ATRNL1: variants seen among roughly 807,000 people sequenced by gnomAD.
ATRNL1 encodes attractin like 1.
Under a neutral mutation model 182.7 loss-of-function variants are expected in ATRNL1, and 95 were observed. The observed-to-expected ratio is 0.52, with a 90% CI of 0.44 to 0.62. The LOEUF (loss-of-function observed/expected upper bound fraction) is 0.62. Among genes scored for constraint, ATRNL1 ranks in the 20% least tolerant of loss-of-function variants. The pLI, the probability that ATRNL1 is intolerant of heterozygous loss-of-function variation, is 0.00. For synonymous variants in ATRNL1, 576 were observed against 568.3 expected (o/e 1.01, Z -0.19); for missense variants, 1,471 against 1,679.5 (o/e 0.88, Z 2.17).
At chr10:115,861,330 T>G (rs1279600848) in intron 28 of ATRNL1, among the ~76,000 whole-genome samples, 1 of 152,190 alleles carries the variant, frequency 6.6e-6, no homozygotes, top group Non-Finnish European at 1.5e-5. Context: ...TTATTATTTC[T>G]GTAGGGGCTA....
chr10:115,218,213 A>G (rs1832203787), intron 9 of ATRNL1, among the ~76,000 whole-genome samples: 1 of 151,660 alleles, frequency 6.6e-6, no homozygotes, highest in Admixed American at 6.6e-5. Flanking sequence ...AGACAGTGAC[A>G]CCGAAAGTGT....
intron 19 of ATRNL1, among the ~76,000 whole-genome samples, chr10:115,374,526 T>TTTTC (rs1378135954): frequency 6.7e-6 from 1 of 149,814 alleles, no homozygotes; most frequent in Non-Finnish European, 1.5e-5. Flanking sequence ...TTCTTTCTTT[T>TTTTC]TTTCTTTCTT....
chr10:115,941,427 T>A (rs1953727255), intron 28 of ATRNL1, among the ~76,000 whole-genome samples: 1 of 152,240 alleles, frequency 6.6e-6, no homozygotes, highest in Admixed American at 6.5e-5. Context: ...TAGAATTTCC[T>A]GTTTTGGCAA....
chr10:115,533,411 T>C (rs1412697596), intron 25 of ATRNL1, among the ~76,000 whole-genome samples: 2 of 146,506 alleles, frequency 1.4e-5, no homozygotes, highest in African/African-American at 5.5e-5. Flanking sequence ...TAGTATTCTC[T>C]GATGGTAGTT....
chr10:115,279,036 A>G (rs1182497047), intron 13 of ATRNL1, among the ~76,000 whole-genome samples: 1 of 151,814 alleles, frequency 6.6e-6, no homozygotes, highest in Non-Finnish European at 1.5e-5. Context: ...CCCTGTCTCT[A>G]CTAAAAATAC....
At chr10:115,828,151 C>T (rs998652758) in intron 27 of ATRNL1, among the ~76,000 whole-genome samples, 2 of 152,050 alleles carry the variant, frequency 1.3e-5, no homozygotes, top group African/African-American at 2.4e-5. Context: ...AACCTTGTCT[C>T]TACTAAAAAT....
chr10:115,779,797 T>G (rs782371761), intron 27 of ATRNL1, among the ~76,000 whole-genome samples: 13 of 152,106 alleles, frequency 8.5e-5, no homozygotes, highest in Admixed American at 6.5e-4. Context: ...TCCTCTAGGG[T>G]TGGTACAAAA....
At chr10:115,326,813 G>A (rs1854914864) in intron 18 of ATRNL1, among the ~76,000 whole-genome samples, 1 of 152,152 alleles carries the variant, frequency 6.6e-6, no homozygotes, top group African/African-American at 2.4e-5. Context: ...TGACAAACCT[G>A]AGAAAAACAA....
intron 24 of ATRNL1, among the ~76,000 whole-genome samples, chr10:115,500,746 G>T (rs1554979914): frequency 6.6e-6 from 1 of 151,374 alleles, no homozygotes; most frequent in South Asian, 2.1e-4. Flanking sequence ...TCTCCATGTT[G>T]GTCAGGCTGG....
intron 19 of ATRNL1, among the ~76,000 whole-genome samples, chr10:115,367,356 G>T (rs1405008881): frequency 7.2e-6 from 1 of 139,818 alleles, no homozygotes; most frequent in Non-Finnish European, 1.6e-5. Context: ...TCGAGCCTTG[G>T]TTTTCAGCTC....
At chr10:115,780,328 A>G (rs571169660) in intron 27 of ATRNL1, among the ~76,000 whole-genome samples, 3 of 152,318 alleles carry the variant, frequency 2.0e-5, no homozygotes, top group East Asian at 1.9e-4. Context: ...AGCAAGCCTC[A>G]ACACCACAGG....
intron 24 of ATRNL1, among the ~76,000 whole-genome samples, chr10:115,516,931 G>A (rs1850669426): frequency 6.6e-6 from 1 of 151,750 alleles, no homozygotes; most frequent in Non-Finnish European, 1.5e-5. Flanking sequence ...AAACACCACT[G>A]TCAACAATTG....
chr10:115,546,952 T>C (rs1188743877), intron 25 of ATRNL1, among the ~76,000 whole-genome samples: 1 of 151,998 alleles, frequency 6.6e-6, no homozygotes, highest in Non-Finnish European at 1.5e-5. Context: ...ACAGCACTGG[T>C]TGATAAAAGT....
At chr10:115,731,628 A>G (rs1349677871) in intron 27 of ATRNL1, among the ~76,000 whole-genome samples, 1 of 149,476 alleles carries the variant, frequency 6.7e-6, no homozygotes, top group Non-Finnish European at 1.5e-5. Context: ...ACATATACCA[A>G]TAGTTATTAT....
At chr10:115,267,419 T>TA (rs1203293278) in intron 12 of ATRNL1, among the ~76,000 whole-genome samples, 1 of 151,814 alleles carries the variant, frequency 6.6e-6, no homozygotes, top group African/African-American at 2.4e-5. Context: ...AAAAAAATGT[T>TA]ACAGCATTTC....
intron 24 of ATRNL1, among the ~76,000 whole-genome samples, chr10:115,505,526 T>G (rs142593168): frequency 3.7e-4 from 57 of 152,038 alleles, no homozygotes; most frequent in African/African-American, 1.1e-3. Flanking sequence ...AAACAGAAGT[T>G]CCTCCCCAAA....
At chr10:115,444,893 G>A (rs1554966351) in intron 21 of ATRNL1, among the ~76,000 whole-genome samples, 3 of 151,164 alleles carry the variant, frequency 2.0e-5, no homozygotes, top group Non-Finnish European at 4.4e-5. Context: ...CACCACGCCA[G>A]CCTATTTTTG....
At chr10:115,552,368 A>T (rs1451177057) in intron 26 of ATRNL1, among the ~76,000 whole-genome samples, 1 of 151,364 alleles carries the variant, frequency 6.6e-6, no homozygotes, top group East Asian at 1.9e-4. Flanking sequence ...TCTCTTCAAA[A>T]CATTGAAGAA....
rs149167399 is a variant in ATRNL1, at chr10:115,214,041, TAC to T, written c.1349-1630_1349-1629del. Among the ~76,000 whole-genome samples, 1,015 of 147,178 alleles carry T rather than the reference TAC, an allele frequency of 6.9e-3. 6 individuals carry two copies. The highest frequency in any genetic ancestry group is 0.027 in the South Asian group (125 of 4,562). ...ACATAGTATTTTTAGTACAAATATGTACACACACACACACACACACACACACA... is the reference window on the plus strand; with the variant it reads ...ACATAGTATTTTTAGTACAAATATGTACACACACACACACACACACACACA... On this transcript the variant is annotated intron_variant, in intron 8 of 28. Transcript: ENST00000355044.
Sources: allele counts gnomAD v4.1 joint callset (sites outside exome capture counted in the v4.1 genomes callset), GRCh38; gene constraint gnomAD v4.1.1; transcripts MANE v1.5; gene names NCBI Gene and HGNC (gene_info 2026-07-23, HGNC 2026-07-21).